Variants in GARRE1 observed in about 807,000 individuals in gnomAD.
GARRE1 encodes the protein granule associated Rac and RHOG effector 1.
In GARRE1, 49 loss-of-function variants were observed where a neutral mutation model predicts 103.2. That is an observed-to-expected ratio of 0.47 (90% CI 0.38 to 0.60). GARRE1 has a LOEUF of 0.60. GARRE1 is among the 20% of genes least tolerant of loss of function. The pLI is 0.00. For missense variants in GARRE1, 1,199 were observed against 1,370.5 expected, an observed-to-expected ratio of 0.87 and a Z score of 1.98; for synonymous variants, 505 against 532.8, an observed-to-expected ratio of 0.95 and a Z score of 0.72.
intron 1 of GARRE1, among the ~76,000 whole-genome samples, chr19:34,280,004 A>G (rs2073842111): frequency 6.8e-6 from 1 of 147,024 alleles, no homozygotes; most frequent in Non-Finnish European, 1.5e-5. Context: ...AAAAAAAAAA[A>G]AAAGTGGTTT....
At chr19:34,315,976 A>G (rs1224314759) in intron 2 of GARRE1, among the ~76,000 whole-genome samples, 4 of 152,148 alleles carry the variant, frequency 2.6e-5, no homozygotes, top group African/African-American at 9.7e-5. Context: ...AGCTGTCTGT[A>G]ATCCATAGCT....
At chr19:34,274,796 G>T (rs1199696503) in intron 1 of GARRE1, among the ~76,000 whole-genome samples, 1 of 152,178 alleles carries the variant, frequency 6.6e-6, no homozygotes. Context: ...GCGTCTTTTC[G>T]TGTTAGCAGC....
intron 1 of GARRE1, among the ~76,000 whole-genome samples, chr19:34,284,079 C>T (rs1415564603): frequency 6.6e-6 from 1 of 150,642 alleles, no homozygotes; most frequent in East Asian, 1.9e-4. Context: ...ATCCGCCCGC[C>T]TCAGCCTCCC....
Position 34,268,889 on chromosome 19 carries a change from A to G in GARRE1, c.-796+14275A>G, listed in dbSNP as rs183340564. Among the ~76,000 whole-genome samples the G allele has an allele frequency of 4.9e-3, 750 of 152,356 alleles. 5 individuals carry two copies. Among genetic ancestry groups the G allele is most frequent in the Middle Eastern group, 0.02 (6 of 294 alleles). On this transcript the variant is annotated intron_variant, in intron 1 of 13. Transcript: ENST00000299505. ...ATTAACGTAGTGACTGTTTAAAAAA[A>G]GTTACGCATTGATCTTCCTGTTCCT...
At chr19:34,301,107 A>C (rs528640076) in intron 2 of GARRE1, 139 bp downstream of exon 2, 1 of 927,780 alleles carries the variant, frequency 1.1e-6, no homozygotes, top group African/African-American at 1.7e-5. Context: ...TTTGTAAAAA[A>C]TGTGTGCGTG....
At chr19:34,334,118 C>G (rs543867658) in intron 8 of GARRE1, among the ~76,000 whole-genome samples, 26 of 152,160 alleles carry the variant, frequency 1.7e-4, no homozygotes, top group Non-Finnish European at 3.7e-4. Flanking sequence ...ATCATTTTCT[C>G]TAAGTCACCC....
chr19:34,318,896 G>A (rs1211561673), intron 2 of GARRE1, among the ~76,000 whole-genome samples: 3 of 152,054 alleles, frequency 2.0e-5, no homozygotes, highest in Non-Finnish European at 4.4e-5. Context: ...ACAAAAATTA[G>A]CCGGGTGTGA....
chr19:34,311,264 G>A (rs2074034977), intron 2 of GARRE1, among the ~76,000 whole-genome samples: 2 of 152,184 alleles, frequency 1.3e-5, no homozygotes, highest in East Asian at 3.8e-4. Context: ...CTGGAATAAG[G>A]ACTACACCTC....
At chr19:34,310,275 C>T (rs2074030422) in intron 2 of GARRE1, among the ~76,000 whole-genome samples, 3 of 152,216 alleles carry the variant, frequency 2.0e-5, no homozygotes, top group Admixed American at 6.5e-5. Flanking sequence ...GGCAGCCTCC[C>T]TCCTCTTTAC....
chr19:34,288,286 T>G (rs2073898250), intron 1 of GARRE1, among the ~76,000 whole-genome samples: 1 of 152,208 alleles, frequency 6.6e-6, no homozygotes, highest in Admixed American at 6.5e-5. Context: ...AACTGTGGTG[T>G]TTGGGAAGTG....
intron 12 of GARRE1, among the ~76,000 whole-genome samples, chr19:34,350,996 C>T (rs1397997520): frequency 1.3e-5 from 2 of 151,656 alleles, no homozygotes; most frequent in African/African-American, 2.4e-5. Flanking sequence ...GTCAGGAGTT[C>T]GAGATCAGCC....
chr19:34,298,418 A>C (rs2073958533), intron 1 of GARRE1, among the ~76,000 whole-genome samples: 1 of 151,310 alleles, frequency 6.6e-6, no homozygotes, highest in East Asian at 1.9e-4. Context: ...TGTCTCAAAA[A>C]AAAAAAAAAG....
intron 3 of GARRE1, among the ~76,000 whole-genome samples, chr19:34,321,239 T>C (rs980566480): frequency 4.6e-5 from 6 of 130,618 alleles, no homozygotes; most frequent in Middle Eastern, 8.5e-3. Flanking sequence ...TTTTTTTTTT[T>C]TTTTTTTTTT....
chr19:34,275,168 G>GT (rs35938669), intron 1 of GARRE1, among the ~76,000 whole-genome samples: 71,100 of 144,772 alleles, frequency 0.49, 20,745 homozygotes, highest in Non-Finnish European at 0.65. Flanking sequence ...CATTTTCTGT[G>GT]TTTTTTTTTT....
chr19:34,273,131 G>T (rs1408928820), intron 1 of GARRE1, among the ~76,000 whole-genome samples: 1 of 152,208 alleles, frequency 6.6e-6, no homozygotes, highest in Non-Finnish European at 1.5e-5. Context: ...GAACCCAGGA[G>T]ATGGAGATTG....
At chr19:34,288,535 G>A (rs970211886) in intron 1 of GARRE1, among the ~76,000 whole-genome samples, 4 of 152,150 alleles carry the variant, frequency 2.6e-5, no homozygotes, top group Non-Finnish European at 2.9e-5. Context: ...AGCTGTGGCC[G>A]ACTGTAGGGC....
chr19:34,317,923 G>A (rs547818449), intron 2 of GARRE1, among the ~76,000 whole-genome samples: 1 of 152,266 alleles, frequency 6.6e-6, no homozygotes, highest in South Asian at 2.1e-4. Context: ...GCCTAGGTGC[G>A]CTGCCTTCGT....
chr19:34,261,144 G>A (rs4806004), intron 1 of GARRE1, among the ~76,000 whole-genome samples: 72,792 of 152,112 alleles, frequency 0.48, 20,913 homozygotes, highest in Non-Finnish European at 0.64. Flanking sequence ...ATAGCTGCAC[G>A]TGGAGATTTC....
chr19:34,291,038 C>T (rs953094729), intron 1 of GARRE1, among the ~76,000 whole-genome samples: 2 of 151,468 alleles, frequency 1.3e-5, no homozygotes, highest in Admixed American at 6.6e-5. Flanking sequence ...TCCCAGGTAG[C>T]TGGGATTACA....
Sources: gnomAD v4.1 joint callset for allele counts (sites outside exome capture counted in the v4.1 genomes callset) on GRCh38, gnomAD v4.1.1 for gene constraint, MANE v1.5 for transcripts, NCBI Gene and HGNC (gene_info 2026-07-23, HGNC 2026-07-21) for gene names.